MDN1: variants seen among roughly 807,000 people sequenced by gnomAD.
The protein encoded by MDN1 is midasin.
A neutral mutation model predicts 669.2 loss-of-function variants in MDN1; 266 were observed. The observed-to-expected ratio is 0.40, with a 90% CI of 0.36 to 0.44. MDN1 has a LOEUF of 0.44. Ranked by LOEUF, MDN1 falls within the 20% of genes least tolerant of loss-of-function variation. The pLI is 1.00. For missense variants in MDN1, 5,940 were observed against 6,754.0 expected, an observed-to-expected ratio of 0.88 and a Z score of 4.22; for synonymous variants, 2,385 against 2,457.1, an observed-to-expected ratio of 0.97 and a Z score of 0.87.
At chr6:89,661,694 T>G in intron 87 of MDN1, 116 bp from the exon 88 acceptor site, 5 of 987,944 alleles carry the variant, frequency 5.1e-6, no homozygotes, top group South Asian at 1.9e-5. Flanking sequence ...ACAATATCTA[T>G]TCCCTAAAAT....
chr6:89,648,407 A>G (rs150567198), intron 97 of MDN1, 78 bp from the exon 98 acceptor site: 13 of 1,352,244 alleles, frequency 9.6e-6, no homozygotes, highest in Non-Finnish European at 1.1e-5. Flanking sequence ...TTTTGCATCA[A>G]GATTCCCAAA....
Position 89,718,601 on chromosome 6 carries a change from C to T in MDN1, c.6348G>A (p.Arg2116=). 6.2e-7 allele frequency: 1 copy of T among 1,614,130 alleles called. No individual in the cohort carries two copies. Among genetic ancestry groups the T allele is most frequent in the Non-Finnish European group, 8.5e-7 (1 of 1,179,990 alleles). Residue 2116 remains arginine (R), a synonymous_variant, in exon 43 of 102, where the codon AGG becomes AGA. Coordinates refer to ENST00000369393, the MANE Select transcript of MDN1 (RefSeq NM_014611.3). ...CAGTTCCCTCCACCTTCTCTAGCAGCCTCCTCCAAGGTCGTATAAGATCAA... is the reference window on the plus strand; with the variant it reads ...CAGTTCCCTCCACCTTCTCTAGCAGTCTCCTCCAAGGTCGTATAAGATCAA... ...EQVDLIRPWR[R]LLEKVEGTVR...
chr6:89,728,598 A>T (rs2128314638), intron 36 of MDN1, among the ~76,000 whole-genome samples: 1 of 152,340 alleles, frequency 6.6e-6, no homozygotes, highest in East Asian at 1.9e-4. Flanking sequence ...TGGGAGGCCA[A>T]GGCAGGTGGA....
intron 12 of MDN1, 142 bp downstream of exon 12, chr6:89,776,458 G>C: frequency 3.3e-6 from 2 of 607,948 alleles, no homozygotes. Context: ...ATGCCCACGA[G>C]AGGCTGCAAT....
intron 53 of MDN1, among the ~76,000 whole-genome samples, chr6:89,702,938 C>CT (rs35611812): frequency 0.015 from 2,164 of 140,362 alleles, 18 homozygotes; most frequent in Non-Finnish European, 0.022. Context: ...GGTAAAGGCC[C>CT]TTTTTTTTTT....
intron 29 of MDN1, among the ~76,000 whole-genome samples, chr6:89,744,765 C>A (rs1303501823): frequency 4.0e-5 from 6 of 151,090 alleles, no homozygotes; most frequent in African/African-American, 1.5e-4. Context: ...TGCCTGCAGT[C>A]CCAGCTACCT....
intron 34 of MDN1, among the ~76,000 whole-genome samples, chr6:89,731,144 C>T (rs1189024282): frequency 6.6e-6 from 1 of 152,216 alleles, no homozygotes; most frequent in Non-Finnish European, 1.5e-5. Flanking sequence ...GTAAAGCACT[C>T]TAGTCACTCA....
rs371295920 is a variant in MDN1, at chr6:89,656,805, G to A, written c.15184-4C>T. On this transcript the variant is annotated splice_region_variant and splice_polypyrimidine_tract_variant and intron_variant, in intron 90 of 101. Coordinates refer to ENST00000369393, the MANE Select transcript of MDN1 (RefSeq NM_014611.3). Reference sequence around the variant, plus strand: ...CTGCAGCTCCACTTCCGTGTTCCTAGGAAATCCAAGCCACAAAAGAATGAG... The same window carrying A: ...CTGCAGCTCCACTTCCGTGTTCCTAAGAAATCCAAGCCACAAAAGAATGAG... 8.1e-6 allele frequency: 13 copies of A among 1,610,708 alleles called. No homozygotes were observed. The African/African-American group carries it at 1.6e-4, about 20-fold the overall frequency.
chr6:89,700,266 C>T lies in MDN1; in HGVS notation c.8667G>A (p.Gln2889=). ...LDELKNFVHA[Q]CLELKAKGLS... ...GTCCTTTGGCTTTCAGTTCTAAACA[C>T]TGAGCATGCACAAAATTCTTCAATT... Residue 2889 remains glutamine, a synonymous_variant, in exon 57 of 102, where the codon CAG becomes CAA. Coordinates refer to ENST00000369393, the MANE Select transcript of MDN1 (RefSeq NM_014611.3). 6.2e-7 allele frequency: 1 copy of T among 1,614,178 alleles called. No homozygotes were observed. Among genetic ancestry groups the T allele is most frequent in the Non-Finnish European group, 8.5e-7 (1 of 1,180,014 alleles).
intron 13 of MDN1, among the ~76,000 whole-genome samples, chr6:89,773,641 AG>A (rs1221879031): frequency 6.6e-6 from 1 of 152,138 alleles, no homozygotes; most frequent in Non-Finnish European, 1.5e-5. Flanking sequence ...CTACAAGCCA[AG>A]GAACACCAAG....
In MDN1 at chr6:89,745,332, C is replaced by G; in HGVS notation, c.4119G>C (p.Ala1373=). The change falls in exon 29 of 102, where the codon GCG becomes GCC. Residue 1373 remains alanine, a synonymous_variant. Transcript: ENST00000369393. ...ATTCCAATGCCCTTCCCACTAGCAT[C>G]GCGAGTCTCCGCATGCCCTCAGTCC... The part of the protein sequence containing the change: ...IVWTEGMRRL[A]MLVGRALEFG... The G allele has an allele frequency of 1.2e-6, 2 of 1,613,956 alleles. No homozygotes were observed.
At chr6:89,723,168 G>T in intron 39 of MDN1, 25 bp from the exon 40 acceptor site, 1 of 1,607,562 alleles carries the variant, frequency 6.2e-7, no homozygotes, top group Non-Finnish European at 8.5e-7. Flanking sequence ...TCCTGATTGG[G>T]AAACATGCCC....
chr6:89,769,888 T>A (rs1358240702), intron 15 of MDN1, among the ~76,000 whole-genome samples: 1 of 152,200 alleles, frequency 6.6e-6, no homozygotes. Flanking sequence ...ATGCCATTTA[T>A]GTTAGGACTA....
chr6:89,656,056 G>T, intron 91 of MDN1, 88 bp from the exon 92 acceptor site: 1 of 1,179,438 alleles, frequency 8.5e-7, no homozygotes, highest in Non-Finnish European at 1.2e-6. Context: ...TAGGGGACAG[G>T]ATAAGTAAAT....
chr6:89,692,965 G>T lies in MDN1; in HGVS notation c.10065C>A (p.His3355Gln), dbSNP rs1812475946. Residue 3355 changes from histidine to glutamine, a missense_variant, in exon 63 of 102, where the codon CAC becomes CAA. His to Gln is a conservative substitution (Grantham distance 24, BLOSUM62 0). Transcript: ENST00000369393. The stretch of plus-strand genomic sequence containing the variant: ...CTTGGGCAGACCGTGGCCCATCTAT[G>T]TGGAGGGCCTGCAGAAGCCGTGTGA... ...DLLTRLLQAL[H>Q]IDGPRSAQVA... 6.2e-7 allele frequency: 1 copy of T among 1,614,078 alleles called. No individual in the cohort carries two copies. Among genetic ancestry groups the T allele is most frequent in the Admixed American group, 1.7e-5 (1 of 60,008 alleles).
Position 89,725,378 on chromosome 6 carries a change from A to T in MDN1, c.5491T>A (p.Ser1831Thr). The part of the protein sequence containing the change: ...VLDELNLASQ[S>T]VLEGLNACFD... ...CAAGCATTGAGTCCTTCCAATACAG[A>T]CTGAGAAGCCAGGTTAAGCTATTTA... Residue 1831 changes from serine to threonine, a missense_variant, in exon 38 of 102, where the codon TCT becomes ACT. Physicochemically the swap from Ser to Thr is moderately conservative, Grantham distance 58 (BLOSUM62 1). This residue lies in a region of MDN1 where 2,292 missense variants were observed against 2,638.3 expected (regional missense o/e 0.87). Coordinates refer to ENST00000369393, the MANE Select transcript of MDN1 (RefSeq NM_014611.3). 6.2e-7 allele frequency: 1 copy of T among 1,613,670 alleles called. No individual in the cohort carries two copies. The highest frequency in any genetic ancestry group is 8.5e-7 in the Non-Finnish European group (1 of 1,179,648).
chr6:89,705,903 AAT>A (rs1278059806), intron 53 of MDN1, among the ~76,000 whole-genome samples, 154 bp downstream of exon 53: 3 of 152,230 alleles, frequency 2.0e-5, no homozygotes, highest in Non-Finnish European at 2.9e-5. Flanking sequence ...GAAGATTTTA[AAT>A]ATGTGTATAG....
rs188026713 is a variant in MDN1 at position 89,780,352 on chromosome 6, A to C, written c.1644-59T>G. On this transcript the variant is annotated intron_variant, in intron 10 of 101. Transcript: ENST00000369393. ...AAAAGACCACAGGCCAAAGACATCAAAGGCATCAGAATTTATTGACCCACT... is the reference window on the plus strand; with the variant it reads ...AAAAGACCACAGGCCAAAGACATCACAGGCATCAGAATTTATTGACCCACT... 1.9e-4 allele frequency: 204 copies of C among 1,099,814 alleles called. 4 individuals are homozygous for C. In the Middle Eastern group the frequency reaches 0.013, roughly 70 times the overall value. 68.1% of individuals were successfully genotyped at this position (1,099,814 alleles called of 1,614,324 possible).
chr6:89,806,546 G>A (rs941887153), intron 1 of MDN1, among the ~76,000 whole-genome samples: 2 of 152,090 alleles, frequency 1.3e-5, no homozygotes, highest in Non-Finnish European at 2.9e-5. Flanking sequence ...GTGAAACTTT[G>A]TCTCTACTAG....
Sources: allele counts gnomAD v4.1 joint callset (sites outside exome capture counted in the v4.1 genomes callset), GRCh38; gene constraint gnomAD v4.1.1; regional missense constraint gnomAD v4.1.1; transcripts MANE v1.5; gene names NCBI Gene and HGNC (gene_info 2026-07-23, HGNC 2026-07-21).